The following SDK1 variants were observed in gnomAD, a reference collection of about 807,000 sequenced individuals.
SDK1 encodes protein sidekick-1.
In SDK1, 157 loss-of-function variants were observed where a neutral mutation model predicts 245.5. That is an observed-to-expected ratio of 0.64 (90% CI 0.56 to 0.73). SDK1 has a LOEUF of 0.73. Ranked by LOEUF, SDK1 falls within the 30% of genes least tolerant of loss-of-function variation. The pLI, the probability that SDK1 is intolerant of heterozygous loss-of-function variation, is 0.00. For synonymous variants in SDK1, 1,647 were observed against 1,278.5 expected (o/e 1.29, Z -6.15); for missense variants, 3,583 against 3,002.3 (o/e 1.19, Z -4.52).
At chr7:4,105,128 A>G (rs540861905) in intron 22 of SDK1, among the ~76,000 whole-genome samples, 71 of 151,640 alleles carry the variant, frequency 4.7e-4, no homozygotes, top group Non-Finnish European at 9.9e-4. Flanking sequence ...GATTACAGGC[A>G]TGTGCCACCA....
intron 4 of SDK1, among the ~76,000 whole-genome samples, chr7:3,681,785 A>G (rs748339502): frequency 2.0e-5 from 3 of 152,214 alleles, no homozygotes; most frequent in Admixed American, 6.5e-5. Context: ...ATAGCTTTCT[A>G]TTTATTGATT....
chr7:3,361,324 G>A (rs1250072282), intron 1 of SDK1, among the ~76,000 whole-genome samples: 1 of 152,200 alleles, frequency 6.6e-6, no homozygotes, highest in Non-Finnish European at 1.5e-5. Flanking sequence ...CACTTATGGT[G>A]AGAACATTTG....
At chr7:3,843,250 C>T (rs1284074299) in intron 5 of SDK1, among the ~76,000 whole-genome samples, 2 of 152,212 alleles carry the variant, frequency 1.3e-5, no homozygotes, top group Non-Finnish European at 2.9e-5. Flanking sequence ...TGTTTGTAAA[C>T]TTATATTAGC....
intron 1 of SDK1, among the ~76,000 whole-genome samples, chr7:3,321,796 C>CCTTCCTTCCTTT (rs1779817692): frequency 8.9e-6 from 1 of 111,826 alleles, no homozygotes; most frequent in East Asian, 2.9e-4. Flanking sequence ...TTCCTTCCTT[C>CCTTCCTTCCTTT]CTTCCTTCCT....
At position 4,077,207 on chromosome 7, in the gene SDK1, C is replaced by T. The variant is rs368620609; in HGVS notation, c.3202+18C>T. On this transcript the variant is annotated intron_variant, in intron 21 of 44. Transcript: ENST00000404826. ...GCCCCCAGGTCAGTAGAATCGTGTG[C>T]GGTCCTCCTGCTGTCACCTTTCTCT... The T allele has an allele frequency of 2.6e-5, 42 of 1,609,058 alleles. 2 individuals carry two copies. In the South Asian group the frequency reaches 3.0e-4, roughly 11 times the overall value.
intron 22 of SDK1, among the ~76,000 whole-genome samples, chr7:4,084,006 A>G (rs1781267491): frequency 6.6e-6 from 1 of 152,106 alleles, no homozygotes. Flanking sequence ...TAATGGTCTC[A>G]TCCATCCATG....
intron 42 of SDK1, among the ~76,000 whole-genome samples, chr7:4,240,401 T>C (rs1786445456): frequency 6.6e-6 from 1 of 152,178 alleles, no homozygotes; most frequent in Non-Finnish European, 1.5e-5. Context: ...CCTCCCTGCG[T>C]GCACTCCTTA....
At chr7:3,803,589 G>A (rs1277689300) in intron 4 of SDK1, among the ~76,000 whole-genome samples, 2 of 151,754 alleles carry the variant, frequency 1.3e-5, no homozygotes, top group Non-Finnish European at 2.9e-5. Flanking sequence ...GAGATTACAG[G>A]CTTGAGCCAC....
At position 3,711,277 on chromosome 7, in the gene SDK1, T is replaced by C. The variant is rs561045172; in HGVS notation, c.713+69172T>C. 4.6e-5 allele frequency among the ~76,000 whole-genome samples: 7 copies of C among 152,338 alleles called. No individual in the cohort carries two copies. The South Asian group carries it at 1.4e-3, about 32-fold the overall frequency. On this transcript the variant is annotated intron_variant, in intron 4 of 44. Coordinates refer to ENST00000404826, the MANE Select transcript of SDK1 (RefSeq NM_152744.4). ...ATTTTGGAGACTGTGCTAACCATTA[T>C]CTTTGCTATTAAGGATTAGTTTTGT...
At chr7:3,427,339 T>G (rs1452913561) in intron 1 of SDK1, among the ~76,000 whole-genome samples, 2 of 151,968 alleles carry the variant, frequency 1.3e-5, no homozygotes, top group African/African-American at 4.8e-5. Context: ...GCCAACATGA[T>G]GAAACCCTGT....
intron 4 of SDK1, among the ~76,000 whole-genome samples, chr7:3,807,085 T>C (rs1779268744): frequency 6.6e-6 from 1 of 152,182 alleles, no homozygotes. Flanking sequence ...AAAAGGAATT[T>C]ATAAAGCCTT....
intron 22 of SDK1, among the ~76,000 whole-genome samples, chr7:4,099,250 G>T (rs1461045486): frequency 1.3e-5 from 2 of 150,186 alleles, no homozygotes; most frequent in African/African-American, 2.5e-5. Flanking sequence ...ATTCGGGAAC[G>T]GTGATGCCAA....
intron 1 of SDK1, among the ~76,000 whole-genome samples, chr7:3,366,756 A>G (rs4613886): frequency 6.6e-6 from 1 of 151,756 alleles, no homozygotes. Flanking sequence ...TTATTTATTT[A>G]TTTTGAGACA....
intron 5 of SDK1, among the ~76,000 whole-genome samples, chr7:3,875,753 G>A (rs1027944248): frequency 6.6e-6 from 1 of 152,184 alleles, no homozygotes; most frequent in Non-Finnish European, 1.5e-5. Flanking sequence ...TAGCAGAGGT[G>A]GTTGGTTATA....
intron 4 of SDK1, among the ~76,000 whole-genome samples, chr7:3,712,414 C>T (rs773815332): frequency 6.6e-6 from 1 of 152,140 alleles, no homozygotes; most frequent in East Asian, 1.9e-4. Flanking sequence ...TCCACTGATT[C>T]TGCGTTATGG....
chr7:3,479,797 G>A (rs1781456197), intron 1 of SDK1, among the ~76,000 whole-genome samples: 1 of 151,826 alleles, frequency 6.6e-6, no homozygotes, highest in Admixed American at 6.6e-5. Context: ...GGGAGGCAGA[G>A]GTTGAAGTGA....
chr7:4,092,898 C>T (rs73304723), intron 22 of SDK1, among the ~76,000 whole-genome samples: 1,925 of 152,292 alleles, frequency 0.013, 44 homozygotes, highest in African/African-American at 0.044. Context: ...ACACTCTCTG[C>T]CAGAAGAGTG....
intron 19 of SDK1, among the ~76,000 whole-genome samples, chr7:4,064,779 G>GCAACATGCA (rs1562753916): frequency 6.6e-6 from 1 of 152,102 alleles, no homozygotes; most frequent in Non-Finnish European, 1.5e-5. Context: ...GGGAACTGGA[G>GCAACATGCA]GGCATTACAT....
chr7:3,804,891 T>C (rs1272439455), intron 4 of SDK1, among the ~76,000 whole-genome samples: 2 of 152,216 alleles, frequency 1.3e-5, no homozygotes, highest in Non-Finnish European at 1.5e-5. Context: ...GTGGAAGGAT[T>C]GGTGAGATAT....
Sources: gnomAD v4.1 joint callset for allele counts (sites outside exome capture counted in the v4.1 genomes callset) on GRCh38, gnomAD v4.1.1 for gene constraint, MANE v1.5 for transcripts, NCBI Gene and HGNC (gene_info 2026-07-23, HGNC 2026-07-21) for gene names.